The following KIF5B variants were observed in gnomAD, a reference collection of about 807,000 sequenced individuals.
The protein encoded by KIF5B is kinesin family member 5B, also known as kinesin-1 heavy chain.
A neutral mutation model predicts 132.8 loss-of-function variants in KIF5B; 49 were observed. The ratio of observed to expected loss-of-function variants is 0.37; its 90% confidence interval spans 0.29 to 0.47. The LOEUF (loss-of-function observed/expected upper bound fraction) is 0.47. KIF5B is among the 20% of genes least tolerant of loss of function. The pLI is 1.00. For synonymous variants in KIF5B, 355 were observed against 369.4 expected (o/e 0.96, Z 0.45); for missense variants, 780 against 1,144.0 (o/e 0.68, Z 4.59).
At chr10:32,025,736 T>C (rs1031474594) in intron 15 of KIF5B, among the ~76,000 whole-genome samples, 25 of 152,238 alleles carry the variant, frequency 1.6e-4, no homozygotes, top group Admixed American at 3.9e-4. Flanking sequence ...AGTAACCACA[T>C]AGGTGAATGG....
chr10:32,044,692 A>G (rs1043876662), intron 2 of KIF5B, among the ~76,000 whole-genome samples: 5 of 152,138 alleles, frequency 3.3e-5, no homozygotes, highest in African/African-American at 1.2e-4. Context: ...AAAAAAAAAA[A>G]AAGAAGACAA....
Position 32,009,620 on chromosome 10 carries a change from C to T in KIF5B, c.*1917G>A, listed in dbSNP as rs1841044656. 6.6e-6 allele frequency: 1 copy of T among 152,090 alleles called. No homozygotes were observed. Among genetic ancestry groups the T allele is most frequent in the Admixed American group, 6.6e-5 (1 of 15,252 alleles). 9.4% of individuals were successfully genotyped at this position (152,090 alleles called of 1,614,324 possible). On this transcript the variant is annotated 3_prime_UTR_variant, in exon 26 of 26. Transcript: ENST00000302418. Reference sequence around the variant, plus strand: ...TTACACAGCACCAATACCCATGATACATCTTACAAGAACAAAACTAACATA... The same window carrying T: ...TTACACAGCACCAATACCCATGATATATCTTACAAGAACAAAACTAACATA...
intron 15 of KIF5B, among the ~76,000 whole-genome samples, chr10:32,023,433 A>C (rs1334191984): frequency 6.6e-6 from 1 of 152,210 alleles, no homozygotes; most frequent in African/African-American, 2.4e-5. Flanking sequence ...GAGGATGTTT[A>C]GGTGGCAGGG....
In KIF5B at chr10:32,056,127, G is replaced by T. The variant is rs970671146; in HGVS notation, c.-154C>A. ...GCTTCCCCGGGTGGAGGCGGCCGGGGAGCCGGGACTTGAAGAGCCGGCGCC... is the reference window on the plus strand; with the variant it reads ...GCTTCCCCGGGTGGAGGCGGCCGGGTAGCCGGGACTTGAAGAGCCGGCGCC... On this transcript the variant is annotated 5_prime_UTR_variant, in exon 1 of 26. Coordinates refer to ENST00000302418, the MANE Select transcript of KIF5B (RefSeq NM_004521.3). 5.7e-6 allele frequency: 5 copies of T among 876,374 alleles called. No homozygotes were observed. Among genetic ancestry groups the T allele is most frequent in the South Asian group, 1.8e-5 (1 of 56,388 alleles). The allele number at this position is 876,374 out of a possible 1,614,324, so 54.3% of individuals were successfully genotyped here.
chr10:32,024,143 A>ACC, intron 15 of KIF5B, among the ~76,000 whole-genome samples: 1 of 112,668 alleles, frequency 8.9e-6, no homozygotes, highest in African/African-American at 3.1e-5. Context: ...CATATGAAGA[A>ACC]CTCTTTTTTT....
At chr10:32,055,333 T>A (rs1454091538) in intron 1 of KIF5B, among the ~76,000 whole-genome samples, 1 of 152,148 alleles carries the variant, frequency 6.6e-6, no homozygotes, top group Non-Finnish European at 1.5e-5. Context: ...GCTTTTTCCT[T>A]CTCCCAGAGG....
intron 1 of KIF5B, 67 bp from the exon 2 acceptor site, chr10:32,048,618 A>G: frequency 9.4e-7 from 1 of 1,059,274 alleles, no homozygotes. Flanking sequence ...ACCTTTACAG[A>G]TGCCATCATA....
chr10:32,018,219 T>C (rs1316632932), intron 22 of KIF5B, 63 bp from the exon 23 acceptor site: 1 of 1,456,886 alleles, frequency 6.9e-7, no homozygotes, highest in Non-Finnish European at 9.3e-7. Flanking sequence ...TATACAAAAA[T>C]TGACGTGACT....
At chr10:32,050,265 C>G (rs2132617286) in intron 1 of KIF5B, among the ~76,000 whole-genome samples, 1 of 152,342 alleles carries the variant, frequency 6.6e-6, no homozygotes, top group South Asian at 2.1e-4. Flanking sequence ...CCCAATTCCC[C>G]TTTCCCTTGC....
intron 15 of KIF5B, among the ~76,000 whole-genome samples, chr10:32,023,374 C>CGAG (rs1295419857): frequency 8.5e-5 from 13 of 152,170 alleles, no homozygotes; most frequent in Non-Finnish European, 1.8e-4. Context: ...AGGACCTCTT[C>CGAG]AGTAAATTCA....
intron 13 of KIF5B, among the ~76,000 whole-genome samples, chr10:32,031,618 T>C (rs1170878209): frequency 1.3e-5 from 2 of 152,006 alleles, no homozygotes; most frequent in Non-Finnish European, 2.9e-5. Context: ...TATTCATTCA[T>C]GGAGAAGTTG....
intron 1 of KIF5B, among the ~76,000 whole-genome samples, chr10:32,050,266 T>C (rs1047528308): frequency 4.6e-5 from 7 of 152,310 alleles, no homozygotes; most frequent in Admixed American, 2.0e-4. Flanking sequence ...CCAATTCCCC[T>C]TTCCCTTGCT....
rs927843241 is a variant in KIF5B, at chr10:32,022,077, G to C, written c.2032+63C>G. ...CTATTTCTTTCAGTGTGAATATTAA[G>C]TTTACTACAATTATACTAAAATAAG... is the stretch of plus-strand genomic sequence containing the variant. On this transcript the variant is annotated intron_variant, in intron 17 of 25. Coordinates refer to ENST00000302418, the MANE Select transcript of KIF5B (RefSeq NM_004521.3). The C allele has an allele frequency of 1.4e-5, 11 of 792,768 alleles. No homozygotes were observed. The South Asian group carries it at 1.6e-4, about 11-fold the overall frequency. 49.1% of individuals were successfully genotyped at this position (792,768 alleles called of 1,614,324 possible).
Position 32,018,533 on chromosome 10 carries a change from C to A in KIF5B, c.2336G>T (p.Arg779Ile). ...CTCTTCCAAACCCTTCAAGTCTTGTCTTGCTTGTTCTCGTCTATCTTGCAT... is the reference window on the plus strand; with the variant it reads ...CTCTTCCAAACCCTTCAAGTCTTGTATTGCTTGTTCTCGTCTATCTTGCAT... ...TVMQDRREQA[R>I]QDLKGLEETV... Residue 779 changes from arginine to isoleucine, a missense_variant, in exon 21 of 26, where the codon AGA (arginine) becomes ATA (isoleucine). By Grantham distance (97) the Arg-to-Ile change is moderately conservative. This residue lies in a region of KIF5B where 471 missense variants were observed against 569.9 expected (regional missense o/e 0.83). Transcript: ENST00000302418. 2 of 1,613,378 alleles carry A rather than the reference C, an allele frequency of 1.2e-6. No homozygotes were observed. Among genetic ancestry groups the A allele is most frequent in the Admixed American group, 1.7e-5 (1 of 59,894 alleles).
chr10:32,027,724 A>G (rs1841351783), intron 15 of KIF5B, among the ~76,000 whole-genome samples: 1 of 150,922 alleles, frequency 6.6e-6, no homozygotes, highest in Non-Finnish European at 1.5e-5. Context: ...CTCTTAAAAT[A>G]GCTGGGACTA....
At chr10:32,012,600 T>A (rs1196725772) in intron 25 of KIF5B, among the ~76,000 whole-genome samples, 1 of 152,204 alleles carries the variant, frequency 6.6e-6, no homozygotes. Flanking sequence ...TATTTTTACA[T>A]CATAACTTTC....
At chr10:32,013,271 C>T (rs796591749) in intron 25 of KIF5B, among the ~76,000 whole-genome samples, 69 of 152,290 alleles carry the variant, frequency 4.5e-4, no homozygotes, top group African/African-American at 1.4e-3. Context: ...GGGAAAAACA[C>T]AGGAGTTATC....
rs1841074618 is a variant in KIF5B, at chr10:32,011,183, C to CA, written c.*353dup. ...ACTGAGATTAAAAAATAAACATACACAAAAAATACAAAAAGTACAGTCCTA... is the reference window on the plus strand; with the variant it reads ...ACTGAGATTAAAAAATAAACATACACAAAAAAATACAAAAAGTACAGTCCTA... On this transcript the variant is annotated 3_prime_UTR_variant, in exon 26 of 26. Transcript: ENST00000302418. 6.6e-6 allele frequency: 1 copy of CA among 152,380 alleles called. No individual in the cohort carries two copies. Among genetic ancestry groups the CA allele is most frequent in the Non-Finnish European group, 1.5e-5 (1 of 67,944 alleles). 9.4% of individuals were successfully genotyped at this position (152,380 alleles called of 1,614,324 possible).
intron 3 of KIF5B, 57 bp downstream of exon 3, chr10:32,040,327 A>G (rs1266479236): frequency 1.0e-6 from 1 of 990,392 alleles, no homozygotes; most frequent in Non-Finnish European, 1.6e-6. Flanking sequence ...AATATCACAA[A>G]TAATGAATGC....
Sources: allele counts gnomAD v4.1 joint callset (sites outside exome capture counted in the v4.1 genomes callset), GRCh38; gene constraint gnomAD v4.1.1; regional missense constraint gnomAD v4.1.1; transcripts MANE v1.5; gene names NCBI Gene and HGNC (gene_info 2026-07-23, HGNC 2026-07-21).